ADAMTS20: variants seen among roughly 807,000 people sequenced by gnomAD.
The protein encoded by ADAMTS20 is ADAM metallopeptidase with thrombospondin type 1 motif 20, also known as A disintegrin and metalloproteinase with thrombospondin motifs 20.
A neutral mutation model predicts 260.1 loss-of-function variants in ADAMTS20; 225 were observed. That is an observed-to-expected ratio of 0.87 (90% CI 0.78 to 0.97). The LOEUF (loss-of-function observed/expected upper bound fraction) is 0.97. Ranked by LOEUF, ADAMTS20 falls within the 50% of genes least tolerant of loss-of-function variation. The pLI, the probability that ADAMTS20 is intolerant of heterozygous loss-of-function variation, is 0.00. For synonymous variants in ADAMTS20, 802 were observed against 769.5 expected, an observed-to-expected ratio of 1.04 and a Z score of -0.70; for missense variants, 2,400 against 2,337.7, an observed-to-expected ratio of 1.03 and a Z score of -0.55.
chr12:43,383,663 T>C lies in ADAMTS20; in HGVS notation c.4692A>G (p.Arg1564=), dbSNP rs548391872. The change falls in exon 31 of 39, where the codon AGA becomes AGG. Residue 1564 remains arginine, a synonymous_variant. Transcript: ENST00000389420. ...AATTATAGACTATTTCATTCACTTG[T>C]CTGATTTGGTTATCTGTGCACTCCA... is the stretch of plus-strand genomic sequence containing the variant. ...QRMECTDNQI[R]QVNEIVYNSS... 8 of 1,613,834 alleles carry C rather than the reference T, an allele frequency of 5.0e-6. No homozygotes were observed. Among genetic ancestry groups the C allele is most frequent in the Non-Finnish European group, 6.8e-6 (8 of 1,179,860 alleles).
rs554939270 is a variant in ADAMTS20 at position 43,372,738 on chromosome 12, C to G, written c.5446+2641G>C. Among the ~76,000 whole-genome samples the G allele has an allele frequency of 5.3e-5, 8 of 152,248 alleles. No homozygotes were observed. In the East Asian group the frequency reaches 1.4e-3, roughly 26 times the overall value. Reference sequence around the variant, plus strand: ...GGCACTGAGCCTAGAGGACAAGGAGCAGGATTTGCCTTGGATGGGAGCATG... The same window carrying G: ...GGCACTGAGCCTAGAGGACAAGGAGGAGGATTTGCCTTGGATGGGAGCATG... On this transcript the variant is annotated intron_variant, in intron 36 of 38. Coordinates refer to ENST00000389420, the MANE Select transcript of ADAMTS20 (RefSeq NM_025003.5).
chr12:43,533,264 A>G (rs1314022492), intron 2 of ADAMTS20, among the ~76,000 whole-genome samples: 3 of 146,330 alleles, frequency 2.1e-5, no homozygotes, highest in East Asian at 4.0e-4. Flanking sequence ...GTGTGAGATG[A>G]TATCTCATAG....
At chr12:43,366,042 C>A (rs895269553) in intron 37 of ADAMTS20, among the ~76,000 whole-genome samples, 4 of 151,480 alleles carry the variant, frequency 2.6e-5, no homozygotes, top group Non-Finnish European at 5.9e-5. Context: ...CCAGACATAG[C>A]GATAGTGATG....
At position 43,427,289 on chromosome 12, in the gene ADAMTS20, A is replaced by C. The variant is rs150702659; in HGVS notation, c.4107+19T>G. 8.1e-6 allele frequency: 13 copies of C among 1,609,572 alleles called. No individual in the cohort carries two copies. Among genetic ancestry groups the C allele is most frequent in the Non-Finnish European group, 1.1e-5 (13 of 1,178,014 alleles). On this transcript the variant is annotated intron_variant, in intron 27 of 38. Transcript: ENST00000389420. Reference sequence around the variant, plus strand: ...AGAGATGTAATAATCTCACAAGTTTAGAAAATATTATGACTTACTTCTCCC... The same window carrying C: ...AGAGATGTAATAATCTCACAAGTTTCGAAAATATTATGACTTACTTCTCCC...
rs755375769 is a variant in ADAMTS20, at chr12:43,356,492, T to C, written c.5635A>G (p.Arg1879Gly). Residue 1879 changes from arginine (R) to glycine (G), a missense_variant, in exon 38 of 39, where the codon AGA (arginine) becomes GGA (glycine). By Grantham distance (125) the Arg-to-Gly change is moderately radical. Coordinates refer to ENST00000389420, the MANE Select transcript of ADAMTS20 (RefSeq NM_025003.5). ...GGTCCCGCAGGACTTACCTCTGATC[T>C]TCGTATGCTGACAGAGGTATAACTC... is the stretch of plus-strand genomic sequence containing the variant. Reference protein sequence around the residue: ...QGSYTSVSIRRSEDGTRFFGK... With the variant: ...QGSYTSVSIRGSEDGTRFFGK... 10 of 1,603,780 alleles carry C rather than the reference T, an allele frequency of 6.2e-6. No individual in the cohort carries two copies. Among genetic ancestry groups the C allele is most frequent in the Non-Finnish European group, 8.5e-6 (10 of 1,174,018 alleles).
rs565508475 is a variant in ADAMTS20 at position 43,406,930 on chromosome 12, C to G, written c.4285-7697G>C. ...CTAGAGTGTCAACTCTAAAATAGTA[C>G]TGCTACTGTTCCTTTAATTCAATAC... On this transcript the variant is annotated intron_variant, in intron 28 of 38. Coordinates refer to ENST00000389420, the MANE Select transcript of ADAMTS20 (RefSeq NM_025003.5). Among the ~76,000 whole-genome samples, 13 of 152,100 alleles carry G rather than the reference C, an allele frequency of 8.5e-5. No individual in the cohort carries two copies. In the South Asian group the frequency reaches 2.7e-3, roughly 32 times the overall value.
At chr12:43,512,857 A>T (rs1368467767) in intron 3 of ADAMTS20, among the ~76,000 whole-genome samples, 1 of 152,238 alleles carries the variant, frequency 6.6e-6, no homozygotes, top group Non-Finnish European at 1.5e-5. Context: ...ATCAATTATT[A>T]CAGCTGAACT....
intron 3 of ADAMTS20, among the ~76,000 whole-genome samples, chr12:43,514,086 T>TAAAAAAAAAAAAAAAAAAAAAAAA (rs71091163): frequency 9.9e-6 from 1 of 100,572 alleles, no homozygotes; most frequent in Non-Finnish European, 2.0e-5. Flanking sequence ...GAATAAACTC[T>TAAAAAAAAAAAAAAAAAAAAAAAA]AAAAAAAAAA....
chr12:43,396,386 C>T (rs1037915792), intron 29 of ADAMTS20, among the ~76,000 whole-genome samples: 4 of 152,028 alleles, frequency 2.6e-5, no homozygotes, highest in African/African-American at 4.8e-5. Flanking sequence ...TTTATACAAT[C>T]GGAATAAAGC....
chr12:43,467,704 A>T (rs10880503), intron 8 of ADAMTS20, among the ~76,000 whole-genome samples: 49,479 of 151,956 alleles, frequency 0.33, 8,670 homozygotes, highest in East Asian at 0.75. Context: ...CTTCATAAAC[A>T]ACTTACAAAA....
At chr12:43,447,183 C>CAAA (rs61472345) in intron 14 of ADAMTS20, among the ~76,000 whole-genome samples, 1 of 146,056 alleles carries the variant, frequency 6.8e-6, no homozygotes, top group Non-Finnish European at 1.5e-5. Flanking sequence ...AGAGACACGA[C>CAAA]AAAAAAAAAA....
intron 26 of ADAMTS20, 142 bp downstream of exon 26, chr12:43,428,099 G>A (rs1038675924): frequency 3.1e-5 from 26 of 849,536 alleles, no homozygotes; most frequent in South Asian, 5.8e-5. Context: ...CATCAAAGAC[G>A]CTTAATCTTT....
intron 35 of ADAMTS20, among the ~76,000 whole-genome samples, chr12:43,375,739 T>G (rs1470100428): frequency 6.6e-6 from 1 of 152,244 alleles, no homozygotes; most frequent in Non-Finnish European, 1.5e-5. Context: ...CTTCTAGCTT[T>G]GATTACTGGA....
Position 43,376,275 on chromosome 12 carries a change from A to T in ADAMTS20, c.5181T>A (p.Asp1727Glu). Residue 1727 changes from aspartate to glutamate, a missense_variant, in exon 34 of 39, where the codon GAT becomes GAA. Transcript: ENST00000389420. ...CCTTAATGTTAAGGTAATAGTCACCATCCTTTCTAATGTGGTTTTTCACTT... is the reference window on the plus strand; with the variant it reads ...CCTTAATGTTAAGGTAATAGTCACCTTCCTTTCTAATGTGGTTTTTCACTT... ...EIQVKNHIRKDGDYYLNIKGR... is the reference protein window; with the variant it reads ...EIQVKNHIRKEGDYYLNIKGR... 6.4e-7 allele frequency: 1 copy of T among 1,555,872 alleles called. No individual in the cohort carries two copies. The highest frequency in any genetic ancestry group is 1.2e-5 in the South Asian group (1 of 84,376).
intron 3 of ADAMTS20, among the ~76,000 whole-genome samples, chr12:43,517,014 A>T (rs959197252): frequency 6.6e-6 from 1 of 152,084 alleles, no homozygotes; most frequent in African/African-American, 2.4e-5. Context: ...AAAATTCAAC[A>T]TCCATTCATA....
At chr12:43,362,597 C>G (rs2137187885) in intron 37 of ADAMTS20, among the ~76,000 whole-genome samples, 1 of 152,210 alleles carries the variant, frequency 6.6e-6, no homozygotes, top group Non-Finnish European at 1.5e-5. Flanking sequence ...ACAAACATGA[C>G]TGGTGAAAAT....
chr12:43,394,959 T>A (rs1940669811), intron 29 of ADAMTS20, among the ~76,000 whole-genome samples: 1 of 152,154 alleles, frequency 6.6e-6, no homozygotes, highest in Non-Finnish European at 1.5e-5. Context: ...GCTGCTCCCT[T>A]CTTCTCATTT....
At chr12:43,427,243 T>C in intron 27 of ADAMTS20, 65 bp downstream of exon 27, 1 of 1,540,876 alleles carries the variant, frequency 6.5e-7, no homozygotes. Context: ...CAGTATAAGA[T>C]GCTTTTTACT....
chr12:43,455,770 G>A (rs892648040), intron 11 of ADAMTS20, among the ~76,000 whole-genome samples: 1 of 150,324 alleles, frequency 6.7e-6, no homozygotes, highest in Non-Finnish European at 1.5e-5. Context: ...GTGCAGTGGC[G>A]TGATCACAGC....
Sources: gnomAD v4.1 joint callset for allele counts (sites outside exome capture counted in the v4.1 genomes callset) on GRCh38, gnomAD v4.1.1 for gene constraint, MANE v1.5 for transcripts, NCBI Gene and HGNC (gene_info 2026-07-23, HGNC 2026-07-21) for gene names.